OPCML: variants seen among roughly 807,000 people sequenced by gnomAD.
The protein encoded by OPCML is opioid-binding protein/cell adhesion molecule.
OPCML carries 13 observed loss-of-function variants against 37.8 expected under a neutral mutation model. The ratio of observed to expected loss-of-function variants is 0.34; its 90% CI spans 0.22 to 0.55. OPCML has a LOEUF of 0.55. Among genes scored for constraint, OPCML ranks in the 20% least tolerant of loss-of-function variants. OPCML has a pLI of 0.91. For missense variants in OPCML, 341 were observed against 435.6 expected, an observed-to-expected ratio of 0.78 and a Z score of 1.93; for synonymous variants, 176 against 168.8, an observed-to-expected ratio of 1.04 and a Z score of -0.33.
chr11:132,916,619 G>A (rs952292698), intron 2 of OPCML, among the ~76,000 whole-genome samples: 1 of 152,184 alleles, frequency 6.6e-6, no homozygotes, highest in Non-Finnish European at 1.5e-5. Context: ...AGTACACGTA[G>A]AGCTTTGGCG....
chr11:132,627,644 A>C (rs1020156618), intron 3 of OPCML, among the ~76,000 whole-genome samples: 1 of 152,210 alleles, frequency 6.6e-6, no homozygotes, highest in African/African-American at 2.4e-5. Flanking sequence ...GATGATCGAC[A>C]TGTAGATGAT....
At chr11:132,653,326 C>T (rs1238225034) in intron 3 of OPCML, among the ~76,000 whole-genome samples, 1 of 152,148 alleles carries the variant, frequency 6.6e-6, no homozygotes, top group African/African-American at 2.4e-5. Context: ...TTCAGGTAGG[C>T]CCACGGTCAC....
At position 132,595,595 on chromosome 11, in the gene OPCML, G is replaced by T. The variant is rs1424017970; in HGVS notation, c.379+61492C>A. Among the ~76,000 whole-genome samples, 6 of 152,190 alleles carry T rather than the reference G, an allele frequency of 3.9e-5. No individual in the cohort carries two copies. The South Asian group carries it at 1.2e-3, about 32-fold the overall frequency. ...TGGAAAGGTAAAGGCATCTGGGGGA[G>T]ATGGGGCATGTGTTGATTTCACAGA... is the stretch of plus-strand genomic sequence containing the variant. On this transcript the variant is annotated intron_variant, in intron 3 of 7. Coordinates refer to ENST00000524381, the MANE Select transcript of OPCML (RefSeq NM_001012393.5).
At chr11:132,431,928 G>C (rs1469886271) in intron 7 of OPCML, among the ~76,000 whole-genome samples, 1 of 152,162 alleles carries the variant, frequency 6.6e-6, no homozygotes, top group Non-Finnish European at 1.5e-5. Flanking sequence ...TCCTTTACAA[G>C]AATGGCTTCA....
chr11:133,093,323 C>T (rs1258979567), intron 1 of OPCML, among the ~76,000 whole-genome samples: 1 of 151,024 alleles, frequency 6.6e-6, no homozygotes, highest in Non-Finnish European at 1.5e-5. Flanking sequence ...CTGGGATACA[C>T]GGATACATGT....
At chr11:133,516,235 A>G (rs1360028618) in intron 1 of OPCML, among the ~76,000 whole-genome samples, 1 of 152,186 alleles carries the variant, frequency 6.6e-6, no homozygotes, top group African/African-American at 2.4e-5. Context: ...GCTTCGTGTC[A>G]GTCTCCATCA....
intron 1 of OPCML, among the ~76,000 whole-genome samples, chr11:133,157,013 T>C (rs1485439522): frequency 1.3e-5 from 2 of 151,946 alleles, no homozygotes; most frequent in East Asian, 3.9e-4. Flanking sequence ...ACTTAAGAAA[T>C]GCATCCTTAC....
intron 1 of OPCML, among the ~76,000 whole-genome samples, chr11:133,415,544 G>C (rs1945742158): frequency 6.6e-6 from 1 of 152,162 alleles, no homozygotes. Flanking sequence ...TTACAGTCAG[G>C]GAGGGTCAAC....
chr11:133,437,749 A>T (rs910949976), intron 1 of OPCML, among the ~76,000 whole-genome samples: 2 of 132,618 alleles, frequency 1.5e-5, no homozygotes, highest in Non-Finnish European at 3.3e-5. Context: ...CATTTTAAAA[A>T]TTTCCAAAGA....
At chr11:132,696,332 C>A (rs1943597444) in intron 2 of OPCML, among the ~76,000 whole-genome samples, 1 of 152,120 alleles carries the variant, frequency 6.6e-6, no homozygotes, top group Admixed American at 6.5e-5. Context: ...ATGATGAAAT[C>A]CTATTCCAGT....
chr11:132,862,159 GA>G (rs889253763), intron 2 of OPCML, among the ~76,000 whole-genome samples: 2 of 151,874 alleles, frequency 1.3e-5, no homozygotes, highest in Non-Finnish European at 2.9e-5. Context: ...AATTTCAGAA[GA>G]AAAAAATACC....
intron 1 of OPCML, among the ~76,000 whole-genome samples, chr11:133,015,718 T>G (rs1274731812): frequency 6.6e-6 from 1 of 152,170 alleles, no homozygotes; most frequent in Non-Finnish European, 1.5e-5. Flanking sequence ...TGCCTGACTT[T>G]CCAAAATCAT....
chr11:132,452,313 G>A (rs562078730), intron 4 of OPCML, among the ~76,000 whole-genome samples: 13 of 152,110 alleles, frequency 8.5e-5, no homozygotes, highest in African/African-American at 3.1e-4. Flanking sequence ...CACCAAGCTG[G>A]GGGAGGATGA....
At chr11:132,965,295 T>C (rs1009048739) in intron 1 of OPCML, among the ~76,000 whole-genome samples, 1 of 152,160 alleles carries the variant, frequency 6.6e-6, no homozygotes, top group African/African-American at 2.4e-5. Flanking sequence ...TAAAAATTAG[T>C]GTTAATTCTT....
Position 132,680,551 on chromosome 11 carries a change from G to T in OPCML, c.147-23232C>A, listed in dbSNP as rs187784598. 2.8e-3 allele frequency among the ~76,000 whole-genome samples: 428 copies of T among 152,344 alleles called. 3 individuals are homozygous for T. The highest frequency in any genetic ancestry group is 5.0e-3 in the South Asian group (24 of 4,828). On this transcript the variant is annotated intron_variant, in intron 2 of 7. Coordinates refer to ENST00000524381, the MANE Select transcript of OPCML (RefSeq NM_001012393.5). The stretch of plus-strand genomic sequence containing the variant: ...TCAAGAGAAAAAGGCCCTGGCTGCA[G>T]GCGCAGTCAAGTAAGAAGATGAGTG...
intron 2 of OPCML, 80 bp from the exon 3 acceptor site, chr11:132,657,399 G>A: frequency 2.0e-6 from 3 of 1,512,818 alleles, no homozygotes; most frequent in Non-Finnish European, 2.7e-6. Context: ...TGGTAAATAA[G>A]ACGTTGCATT....
chr11:132,808,771 T>G (rs894690468), intron 2 of OPCML, among the ~76,000 whole-genome samples: 2 of 152,190 alleles, frequency 1.3e-5, no homozygotes, highest in African/African-American at 4.8e-5. Flanking sequence ...CTGAAAGTAA[T>G]TCTCCTAAAA....
chr11:132,831,755 T>C (rs79489923), intron 2 of OPCML, among the ~76,000 whole-genome samples: 2,479 of 151,244 alleles, frequency 0.016, 28 homozygotes, highest in Middle Eastern at 0.041. Flanking sequence ...TCAAACACTT[T>C]AAAGTTAGGC....
At chr11:132,683,227 T>C (rs1180024372) in intron 2 of OPCML, among the ~76,000 whole-genome samples, 2 of 152,174 alleles carry the variant, frequency 1.3e-5, no homozygotes, top group African/African-American at 2.4e-5. Flanking sequence ...AGAGAGACTC[T>C]GTCGCTACAT....
Sources: gnomAD v4.1 joint callset for allele counts (sites outside exome capture counted in the v4.1 genomes callset) on GRCh38, gnomAD v4.1.1 for gene constraint, MANE v1.5 for transcripts, NCBI Gene and HGNC (gene_info 2026-07-23, HGNC 2026-07-21) for gene names.